UXS1: variants seen among roughly 807,000 people sequenced by gnomAD.
UXS1 encodes UDP-glucuronic acid decarboxylase 1.
A neutral mutation model predicts 62.6 loss-of-function variants in UXS1; 33 were observed. The ratio of observed to expected loss-of-function variants is 0.53; its 90% CI spans 0.40 to 0.70. UXS1 has a LOEUF of 0.70. UXS1 is among the 30% of genes least tolerant of loss of function. The pLI is 0.00. For synonymous variants in UXS1, 213 were observed against 206.8 expected, an observed-to-expected ratio of 1.03 and a Z score of -0.26; for missense variants, 434 against 556.3, an observed-to-expected ratio of 0.78 and a Z score of 2.21.
At chr2:106,123,181 G>T in intron 8 of UXS1, 90 bp from the exon 9 acceptor site, 1 of 1,562,228 alleles carries the variant, frequency 6.4e-7, no homozygotes, top group Non-Finnish European at 8.7e-7. Context: ...AGGGAACTTC[G>T]GAAAGACCCA....
chr2:106,100,880 T>C, intron 12 of UXS1, 178 bp downstream of exon 12: 1 of 774,194 alleles, frequency 1.3e-6, no homozygotes, highest in Middle Eastern at 2.5e-4. Flanking sequence ...GATGTTTTAC[T>C]TCTTTGTATA....
chr2:106,194,220 G>A lies in UXS1; in HGVS notation c.22C>T (p.Arg8Cys), dbSNP rs1305005086. The part of the protein sequence containing the change: MVSKALL[R>C]LVSAVNRRRM... ...CTGCGGTTGACGGCAGACACGAGGC[G>A]CAGCAGCGCCTTGCTCACCATCCCC... is the stretch of plus-strand genomic sequence containing the variant. The change falls in exon 1 of 15, where the codon CGC becomes TGC. Residue 8 changes from arginine to cysteine, a missense_variant. By Grantham distance (180) the Arg-to-Cys change is radical. This residue lies in a region of UXS1 where 91 missense variants were observed against 71.1 expected (regional missense o/e 1.28). Transcript: ENST00000283148. 2.1e-6 allele frequency: 3 copies of A among 1,460,260 alleles called. No homozygotes were observed. The highest frequency in any genetic ancestry group is 2.7e-6 in the Non-Finnish European group (3 of 1,102,776). 90.5% of individuals were successfully genotyped at this position (1,460,260 alleles called of 1,614,324 possible).
chr2:106,128,601 A>G (rs1680169511), intron 7 of UXS1, among the ~76,000 whole-genome samples: 1 of 152,172 alleles, frequency 6.6e-6, no homozygotes, highest in South Asian at 2.1e-4. Flanking sequence ...TCTGGTTCTC[A>G]GGCCTTGGAA....
intron 1 of UXS1, among the ~76,000 whole-genome samples, chr2:106,177,122 A>G (rs967110714): frequency 6.6e-6 from 1 of 152,182 alleles, no homozygotes; most frequent in South Asian, 2.1e-4. Flanking sequence ...AGTAAAAAGG[A>G]CAACTTAGAG....
rs79946596 is a variant in UXS1, at chr2:106,162,103, A to C, written c.230+1564T>G. On this transcript the variant is annotated intron_variant, in intron 4 of 14. Coordinates refer to ENST00000283148, the MANE Select transcript of UXS1 (RefSeq NM_001253875.2). ...AGCCAGGCCTACGCTTGACCTTCTG[A>C]CACAGTAATGCAGGCACGCGGATCA... Among the ~76,000 whole-genome samples the C allele has an allele frequency of 4.9e-4, 74 of 152,252 alleles. No homozygotes were observed. In the East Asian group the frequency reaches 0.014, roughly 28 times the overall value.
rs983818458 is a variant in UXS1 at position 106,164,812 on chromosome 2, G to A, written c.123-13C>T. 3.4e-5 allele frequency: 53 copies of A among 1,567,304 alleles called. No homozygotes were observed. Among genetic ancestry groups the A allele is most frequent in the Non-Finnish European group, 4.0e-5 (46 of 1,158,236 alleles). On this transcript the variant is annotated splice_polypyrimidine_tract_variant and intron_variant, in intron 2 of 14. Transcript: ENST00000283148. The stretch of plus-strand genomic sequence containing the variant: ...GTTGAGTAGAAAGCTATAAAACTGA[G>A]ATCAACTGAAAGGCTTTGTGACTTT...
intron 10 of UXS1, among the ~76,000 whole-genome samples, chr2:106,107,582 C>A (rs562611309): frequency 6.6e-6 from 1 of 152,206 alleles, no homozygotes; most frequent in African/African-American, 2.4e-5. Flanking sequence ...ACCTGCTCAA[C>A]CAAACAAGGG....
intron 1 of UXS1, 148 bp downstream of exon 1, chr2:106,194,000 G>A (rs1685108489): frequency 6.4e-6 from 3 of 469,722 alleles, no homozygotes; most frequent in Non-Finnish European, 1.0e-5. Flanking sequence ...GTGGAAAGGG[G>A]TGGGAGCAGA....
intron 14 of UXS1, among the ~76,000 whole-genome samples, chr2:106,095,653 A>T (rs1435486042): frequency 6.6e-6 from 1 of 152,198 alleles, no homozygotes; most frequent in Non-Finnish European, 1.5e-5. Context: ...TGCTGGACAC[A>T]GGGCTACACT....
intron 4 of UXS1, among the ~76,000 whole-genome samples, chr2:106,158,348 A>G (rs891595428): frequency 5.3e-5 from 8 of 152,198 alleles, no homozygotes; most frequent in Non-Finnish European, 1.2e-4. Flanking sequence ...TTGAGATTCT[A>G]TCTCTGAGAA....
At chr2:106,152,039 A>G (rs1682061264) in intron 5 of UXS1, among the ~76,000 whole-genome samples, 1 of 152,256 alleles carries the variant, frequency 6.6e-6, no homozygotes, top group South Asian at 2.1e-4. Context: ...TATATAAATC[A>G]TTTCTTGTAG....
intron 1 of UXS1, among the ~76,000 whole-genome samples, chr2:106,181,105 G>C (rs1370770715): frequency 1.3e-5 from 2 of 152,220 alleles, no homozygotes; most frequent in African/African-American, 4.8e-5. Context: ...ATCCCTCCTA[G>C]TTCATGGGGG....
chr2:106,095,610 A>C (rs1329073378), intron 14 of UXS1, among the ~76,000 whole-genome samples: 1 of 152,198 alleles, frequency 6.6e-6, no homozygotes, highest in Non-Finnish European at 1.5e-5. Flanking sequence ...TTGAGCACCC[A>C]GTGTGTGTCA....
At chr2:106,139,303 A>G (rs1292161971) in intron 6 of UXS1, among the ~76,000 whole-genome samples, 1 of 152,170 alleles carries the variant, frequency 6.6e-6, no homozygotes, top group African/African-American at 2.4e-5. Context: ...AAGTCTCAAG[A>G]AATGAGCCTA....
Position 106,094,131 on chromosome 2 carries a change from T to G in UXS1, c.1173A>C (p.Lys391Asn). 3.7e-6 allele frequency: 6 copies of G among 1,612,004 alleles called. No individual in the cohort carries two copies. Among genetic ancestry groups the G allele is most frequent in the Non-Finnish European group, 5.1e-6 (6 of 1,179,698 alleles). Residue 391 changes from lysine (K) to asparagine (N), a missense_variant, in exon 15 of 15, where the codon AAA becomes AAC. Coordinates refer to ENST00000283148, the MANE Select transcript of UXS1 (RefSeq NM_001253875.2). ...PVVPLEEGLNKAIHYFRKELE... is the reference protein window; with the variant it reads ...PVVPLEEGLNNAIHYFRKELE... The stretch of plus-strand genomic sequence containing the variant: ...GTTCTTTACGGAAGTAGTGAATTGC[T>G]TTGTTTAAACCTTCCTCCAGCGGGA...
At chr2:106,165,864 T>C (rs549376176) in intron 2 of UXS1, among the ~76,000 whole-genome samples, 192 bp downstream of exon 2, 16 of 152,210 alleles carry the variant, frequency 1.1e-4, no homozygotes, top group Admixed American at 2.0e-4. Context: ...ACTTGGTAAT[T>C]GTTAAAATCA....
At chr2:106,111,345 G>A (rs1393277237) in intron 10 of UXS1, among the ~76,000 whole-genome samples, 1 of 152,222 alleles carries the variant, frequency 6.6e-6, no homozygotes, top group South Asian at 2.1e-4. Context: ...GGAGGTGGGA[G>A]AGCTGGCATG....
At chr2:106,153,297 AT>A (rs1682177220) in intron 5 of UXS1, among the ~76,000 whole-genome samples, 1 of 152,216 alleles carries the variant, frequency 6.6e-6, no homozygotes. Context: ...TTGTTGAAAA[AT>A]AAAGCAATTA....
At chr2:106,184,587 G>A (rs1256832256) in intron 1 of UXS1, among the ~76,000 whole-genome samples, 4 of 152,124 alleles carry the variant, frequency 2.6e-5, no homozygotes, top group Admixed American at 6.5e-5. Flanking sequence ...ATTCACAGAC[G>A]GTGCCTTCTT....
Sources: gnomAD v4.1 joint callset for allele counts (sites outside exome capture counted in the v4.1 genomes callset) on GRCh38, gnomAD v4.1.1 for gene constraint, gnomAD v4.1.1 regional missense constraint, MANE v1.5 for transcripts, NCBI Gene and HGNC (gene_info 2026-07-23, HGNC 2026-07-21) for gene names.